The following CDC42BPA variants were observed in gnomAD, a reference collection of about 807,000 sequenced individuals.
CDC42BPA encodes the protein serine/threonine-protein kinase MRCK alpha.
In CDC42BPA, 80 loss-of-function variants were observed where a neutral mutation model predicts 223.5. That is an observed-to-expected ratio of 0.36 (90% CI 0.30 to 0.43). The LOEUF is 0.43. CDC42BPA is among the 20% of genes least tolerant of loss of function. The pLI is 1.00. For missense variants in CDC42BPA, 1,743 were observed against 2,099.9 expected (o/e 0.83, Z 3.32); for synonymous variants, 694 against 718.6 (o/e 0.97, Z 0.55).
At chr1:227,253,257 AGC>A (rs1013422448) in intron 2 of CDC42BPA, among the ~76,000 whole-genome samples, 3 of 103,396 alleles carry the variant, frequency 2.9e-5, no homozygotes, top group African/African-American at 4.3e-5. Flanking sequence ...CGAGAGAGAG[AGC>A]GAGAGAGAGC....
intron 15 of CDC42BPA, among the ~76,000 whole-genome samples, chr1:227,096,286 A>C (rs1683982821): frequency 6.6e-6 from 1 of 152,220 alleles, no homozygotes; most frequent in Non-Finnish European, 1.5e-5. Context: ...AAATATGTAC[A>C]CAAATAAATT....
intron 10 of CDC42BPA, among the ~76,000 whole-genome samples, chr1:227,138,326 G>GAT (rs1229900670): frequency 6.6e-6 from 1 of 151,842 alleles, no homozygotes; most frequent in East Asian, 1.9e-4. Context: ...TAGTACTGGG[G>GAT]ATATATATAT....
intron 30 of CDC42BPA, among the ~76,000 whole-genome samples, chr1:227,028,086 C>A (rs1668604274): frequency 6.7e-6 from 1 of 149,154 alleles, no homozygotes; most frequent in Non-Finnish European, 1.5e-5. Context: ...TACCACTGTA[C>A]TCTATCCTGG....
At position 227,040,123 on chromosome 1, in the gene CDC42BPA, G is replaced by A; in HGVS notation, c.3199+8C>T. On this transcript the variant is annotated splice_region_variant and intron_variant, in intron 24 of 36. Transcript: ENST00000366766. Reference sequence around the variant, plus strand: ...TGAAGTCACATTTTCTTTCCTTTGTGTTCTTACCTTCACATGAACAGCCCT... The same window carrying A: ...TGAAGTCACATTTTCTTTCCTTTGTATTCTTACCTTCACATGAACAGCCCT... 1.3e-6 allele frequency: 2 copies of A among 1,511,158 alleles called. No homozygotes were observed. The highest frequency in any genetic ancestry group is 1.8e-6 in the Non-Finnish European group (2 of 1,086,554). 93.6% of individuals were successfully genotyped at this position (1,511,158 alleles called of 1,614,324 possible).
At chr1:227,059,271 A>G in intron 21 of CDC42BPA, 1 of 921,776 alleles carries the variant, frequency 1.1e-6, no homozygotes, top group Non-Finnish European at 1.7e-6. Context: ...AGATGTAATA[A>G]TATACCACAA....
intron 24 of CDC42BPA, 42 bp from the exon 25 acceptor site, chr1:227,035,649 T>G (rs757751269): frequency 2.6e-6 from 4 of 1,515,200 alleles, no homozygotes; most frequent in Non-Finnish European, 3.5e-6. Flanking sequence ...AAATTCATTT[T>G]AACAAAAAGA....
chr1:227,021,736 AT>A (rs1667404402), intron 32 of CDC42BPA, among the ~76,000 whole-genome samples: 1 of 151,950 alleles, frequency 6.6e-6, no homozygotes, highest in Admixed American at 6.6e-5. Flanking sequence ...TAATAATTTC[AT>A]GGCCAGGCGC....
intron 34 of CDC42BPA, among the ~76,000 whole-genome samples, chr1:227,008,723 T>C (rs1664589376): frequency 6.6e-6 from 1 of 152,214 alleles, no homozygotes; most frequent in Non-Finnish European, 1.5e-5. Context: ...AGCATACATT[T>C]TGAAGAATCG....
chr1:227,246,567 A>G (rs1252341258), intron 2 of CDC42BPA, among the ~76,000 whole-genome samples: 2 of 152,230 alleles, frequency 1.3e-5, no homozygotes, highest in Non-Finnish European at 2.9e-5. Flanking sequence ...AAGTAAAAGA[A>G]TAAGAGTTTT....
chr1:227,260,512 A>G (rs1683849142), intron 1 of CDC42BPA, among the ~76,000 whole-genome samples: 1 of 150,612 alleles, frequency 6.6e-6, no homozygotes, highest in Admixed American at 6.6e-5. Flanking sequence ...GCCAGGTGGT[A>G]GGAACATAGA....
At chr1:227,038,359 T>TTTA (rs773002987) in intron 24 of CDC42BPA, among the ~76,000 whole-genome samples, 1 of 152,216 alleles carries the variant, frequency 6.6e-6, no homozygotes, top group Non-Finnish European at 1.5e-5. Flanking sequence ...TGGGTATATC[T>TTTA]TTATTAGCAA....
chr1:227,228,134 C>T (rs1243508325), intron 2 of CDC42BPA, among the ~76,000 whole-genome samples: 2 of 152,078 alleles, frequency 1.3e-5, no homozygotes, highest in Non-Finnish European at 2.9e-5. Context: ...GGGGGCAGGC[C>T]GGGAGAGGGA....
chr1:227,293,550 T>A (rs918235541), intron 1 of CDC42BPA, among the ~76,000 whole-genome samples: 2 of 142,608 alleles, frequency 1.4e-5, no homozygotes, highest in Non-Finnish European at 3.0e-5. Context: ...TATTGCTGGG[T>A]GCAGTGGCTC....
intron 14 of CDC42BPA, among the ~76,000 whole-genome samples, chr1:227,106,422 C>T (rs1373503633): frequency 6.6e-6 from 1 of 151,438 alleles, no homozygotes; most frequent in East Asian, 1.9e-4. Context: ...CCTTTGATAC[C>T]ATACACATTA....
intron 7 of CDC42BPA, among the ~76,000 whole-genome samples, chr1:227,146,625 A>C (rs16847205): frequency 0.018 from 2,806 of 152,218 alleles, 47 homozygotes; most frequent in African/African-American, 0.041. Context: ...TCTTATTATT[A>C]TGAACAGTCT....
intron 2 of CDC42BPA, among the ~76,000 whole-genome samples, chr1:227,226,999 G>T (rs892454225): frequency 1.3e-5 from 2 of 152,044 alleles, no homozygotes. Flanking sequence ...AAAACTCAAG[G>T]AGTCAAGAGA....
intron 2 of CDC42BPA, among the ~76,000 whole-genome samples, chr1:227,236,050 C>A (rs1335042826): frequency 2.0e-5 from 3 of 152,136 alleles, no homozygotes; most frequent in Non-Finnish European, 4.4e-5. Flanking sequence ...CTGTTCTTTT[C>A]TGTAGCATAA....
intron 3 of CDC42BPA, among the ~76,000 whole-genome samples, chr1:227,201,532 CTAAG>C (rs1671753931): frequency 6.6e-6 from 1 of 152,120 alleles, no homozygotes. Context: ...AAAGATAACT[CTAAG>C]AAAGTAAAAG....
chr1:227,189,482 T>G (rs1165875807), intron 5 of CDC42BPA, among the ~76,000 whole-genome samples: 1 of 152,200 alleles, frequency 6.6e-6, no homozygotes, highest in African/African-American at 2.4e-5. Context: ...GTCAAAACAC[T>G]TTCATATACA....
Sources: gnomAD v4.1 joint callset for allele counts (sites outside exome capture counted in the v4.1 genomes callset) on GRCh38, gnomAD v4.1.1 for gene constraint, MANE v1.5 for transcripts, NCBI Gene and HGNC (gene_info 2026-07-23, HGNC 2026-07-21) for gene names.